The following ACSBG1 variants were observed in gnomAD, a reference collection of about 807,000 sequenced individuals.
The protein encoded by ACSBG1 is acyl-CoA synthetase bubblegum family member 1, also known as long-chain-fatty-acid--CoA ligase ACSBG1.
In ACSBG1, 39 loss-of-function variants were observed where a neutral mutation model predicts 80.2. The observed-to-expected ratio is 0.49, with a 90% confidence interval of 0.38 to 0.64. The LOEUF (loss-of-function observed/expected upper bound fraction) is 0.64. ACSBG1 is among the 30% of genes least tolerant of loss of function. The pLI, the probability that ACSBG1 is intolerant of heterozygous loss-of-function variation, is 0.00. For missense variants in ACSBG1, 828 were observed against 966.4 expected (o/e 0.86, Z 1.90); for synonymous variants, 392 against 379.5 (o/e 1.03, Z -0.38).
intron 2 of ACSBG1, among the ~76,000 whole-genome samples, 166 bp from the exon 3 acceptor site, chr15:78,194,892 C>T (rs766527999): frequency 3.3e-5 from 5 of 152,166 alleles, no homozygotes; most frequent in African/African-American, 7.2e-5. Flanking sequence ...GCTGGGAGAC[C>T]GCCTAGAGGA....
chr15:78,213,121 T>C (rs2075281281), intron 1 of ACSBG1, among the ~76,000 whole-genome samples: 1 of 151,952 alleles, frequency 6.6e-6, no homozygotes, highest in African/African-American at 2.4e-5. Context: ...GTTCCCCATA[T>C]CCTAAAAACC....
intron 5 of ACSBG1, among the ~76,000 whole-genome samples, chr15:78,189,077 C>T (rs1441628957): frequency 6.6e-6 from 1 of 151,938 alleles, no homozygotes; most frequent in Non-Finnish European, 1.5e-5. Flanking sequence ...AAAATGCTCA[C>T]CATCACTGGC....
intron 13 of ACSBG1, chr15:78,171,759 G>A (rs562523174): frequency 1.2e-4 from 53 of 425,194 alleles, no homozygotes; most frequent in African/African-American, 9.6e-4. Context: ...TAGATGAAGG[G>A]TTGGTATGTC....
At chr15:78,179,060 A>G in intron 10 of ACSBG1, 1 of 569,706 alleles carries the variant, frequency 1.8e-6, no homozygotes, top group Non-Finnish European at 3.1e-6. Context: ...TAGAACTTGG[A>G]GCACTGTGAT....
In ACSBG1 at chr15:78,178,894, G is replaced by T; in HGVS notation, c.1485-63C>A. On this transcript the variant is annotated intron_variant, in intron 10 of 13. Coordinates refer to ENST00000258873, the MANE Select transcript of ACSBG1 (RefSeq NM_015162.5). This position sits in a 1 kb window ranked among gnomAD's most constrained non-coding sequence, Gnocchi z 4.3. ...CCGTCTCCTCCAAGCCCCCACTGGG[G>T]AGCCGGGGTCCCAACTGCTCGGTCT... 1 of 1,508,212 alleles carries T rather than the reference G, an allele frequency of 6.6e-7. No homozygotes were observed. The highest frequency in any genetic ancestry group is 2.4e-5 in the East Asian group (1 of 41,132). The allele number at this position is 1,508,212 out of a possible 1,614,324, so 93.4% of individuals were successfully genotyped here.
Position 78,182,549 on chromosome 15 carries a change from G to C in ACSBG1, c.811C>G (p.Gln271Glu), listed in dbSNP as rs751306282. Residue 271 changes from glutamine (Q) to glutamate (E), a missense_variant, in exon 7 of 14, where the codon CAG becomes GAG. Gln to Glu is a conservative substitution (Grantham distance 29). Around this residue, in one of 3 missense-constraint regions of ACSBG1, gnomAD observed 356 missense variants for 363.5 expected, o/e 0.98. Coordinates refer to ENST00000258873, the MANE Select transcript of ACSBG1 (RefSeq NM_015162.5). ...AGCACACAGCACTGGTTGGGCTGCTGGGTGTCAATGATGGCGTCCAGGGCT... is the reference window on the plus strand; with the variant it reads ...AGCACACAGCACTGGTTGGGCTGCTCGGTGTCAATGATGGCGTCCAGGGCT... ...EEALDAIIDT[Q>E]QPNQCCVLVY... 1.2e-6 allele frequency: 2 copies of C among 1,614,124 alleles called. No individual in the cohort carries two copies. The highest frequency in any genetic ancestry group is 1.7e-6 in the Non-Finnish European group (2 of 1,180,006).
chr15:78,178,738 G>T lies in ACSBG1; in HGVS notation c.1578C>A (p.Phe526Leu). The change falls in exon 11 of 14, where the codon TTC becomes TTA. Residue 526 changes from phenylalanine to leucine, a missense_variant. Phe to Leu is a conservative substitution (Grantham distance 22). This residue lies in a region of ACSBG1 where 271 missense variants were observed against 375.9 expected (regional missense o/e 0.72). Coordinates refer to ENST00000258873, the MANE Select transcript of ACSBG1 (RefSeq NM_015162.5). This position sits in a 1 kb window ranked among gnomAD's most constrained non-coding sequence, Gnocchi z 4.3. ...GEICLWGRTI[F>L]MGYLNMEDKT... ...TGTCCTCCATGTTCAGGTAGCCCAT[G>T]AATATGGTGCGGCCCCACAGGCAGA... 1.2e-6 allele frequency: 2 copies of T among 1,614,174 alleles called. No homozygotes were observed. Among genetic ancestry groups the T allele is most frequent in the African/African-American group, 1.3e-5 (1 of 75,066 alleles).
In ACSBG1 at chr15:78,169,253, A is replaced by G; in HGVS notation, c.*2191T>C. The G allele has an allele frequency of 3.2e-6, 1 of 311,832 alleles. No homozygotes were observed. Among genetic ancestry groups the G allele is most frequent in the Non-Finnish European group, 5.9e-6 (1 of 170,660 alleles). The allele number at this position is 311,832 out of a possible 1,614,324, so 19.3% of individuals were successfully genotyped here. On this transcript the variant is annotated 3_prime_UTR_variant, in exon 14 of 14. Transcript: ENST00000258873. ...TACCTGGTAAATGTTTTTTTTGTAA[A>G]CTCTGAGTGGACTGTATCATTTGCT...
chr15:78,218,072 T>C (rs1183991468), intron 1 of ACSBG1, among the ~76,000 whole-genome samples: 1 of 152,178 alleles, frequency 6.6e-6, no homozygotes, highest in Non-Finnish European at 1.5e-5. Flanking sequence ...TTGCCATTTT[T>C]ATCCTAAGTA....
In ACSBG1 at chr15:78,171,515, G is replaced by A. The variant is rs753588373; in HGVS notation, c.2104C>T (p.Leu702=). 13 of 1,613,996 alleles carry A rather than the reference G, an allele frequency of 8.1e-6. No individual in the cohort carries two copies. The South Asian group carries it at 1.3e-4, about 16-fold the overall frequency. The change falls in exon 14 of 14, where the codon CTG becomes TTG. Residue 702 remains leucine, a synonymous_variant. Transcript: ENST00000258873. ...TTCTCCAAAACTGTGAGCCGTTTCA[G>A]TTTCATCGTGGGACCTAAAAGGGAA... ...SGGELGPTMK[L]KRLTVLEKYK...
intron 2 of ACSBG1, among the ~76,000 whole-genome samples, chr15:78,199,430 C>G (rs890201574): frequency 2.0e-5 from 3 of 151,536 alleles, no homozygotes; most frequent in Non-Finnish European, 2.9e-5. Flanking sequence ...TGCAGTGGCT[C>G]ACGCTTGTAA....
At chr15:78,210,398 C>T (rs897327069) in intron 1 of ACSBG1, among the ~76,000 whole-genome samples, 3 of 152,122 alleles carry the variant, frequency 2.0e-5, no homozygotes, top group African/African-American at 7.2e-5. Context: ...GAGAGGTGGT[C>T]CCTTTGAAGA....
Position 78,181,986 on chromosome 15 carries a change from C to T in ACSBG1, c.1054G>A (p.Glu352Lys), listed in dbSNP as rs761047347. 8.7e-5 allele frequency: 140 copies of T among 1,613,858 alleles called. No homozygotes were observed. Among genetic ancestry groups the T allele is most frequent in the Middle Eastern group, 1.6e-4 (1 of 6,080 alleles). Residue 352 changes from glutamate to lysine, a missense_variant, in exon 8 of 14, where the codon GAA becomes AAA. By Grantham distance (56) the Glu-to-Lys change is moderately conservative. Transcript: ENST00000258873. Reference protein sequence around the residue: ...IQWGAQVCFAEPDALKGSLVN... With the variant: ...IQWGAQVCFAKPDALKGSLVN... ...AGACTGACCTTCAGGGCGTCGGGTT[C>T]GGCAAAGCAAACCTGGGCCCCCCAC... is the stretch of plus-strand genomic sequence containing the variant.
At chr15:78,230,971 T>G (rs938226590) in intron 1 of ACSBG1, among the ~76,000 whole-genome samples, 4 of 152,172 alleles carry the variant, frequency 2.6e-5, no homozygotes, top group Non-Finnish European at 2.9e-5. Context: ...TCTGCCTTAT[T>G]TATCTAGTTT....
chr15:78,215,275 C>T (rs796608049), intron 1 of ACSBG1, among the ~76,000 whole-genome samples: 81 of 152,278 alleles, frequency 5.3e-4, no homozygotes, highest in African/African-American at 1.9e-3. Flanking sequence ...TGATACTTGA[C>T]GTTGGTAGAG....
At chr15:78,190,655 A>G (rs951335803) in intron 5 of ACSBG1, among the ~76,000 whole-genome samples, 3 of 152,066 alleles carry the variant, frequency 2.0e-5, no homozygotes, top group African/African-American at 7.2e-5. Flanking sequence ...TATAACCTCT[A>G]TAGAAGTAAA....
rs77787593 is a variant in ACSBG1 at position 78,171,568 on chromosome 15, T to C, written c.2090-39A>G. 21 of 1,495,642 alleles carry C rather than the reference T, an allele frequency of 1.4e-5. No homozygotes were observed. The East Asian group carries it at 4.5e-4, about 32-fold the overall frequency. The allele number at this position is 1,495,642 out of a possible 1,614,324, so 92.6% of individuals were successfully genotyped here. A position where few individuals can be genotyped will look rare whatever the true frequency, so the allele number is the denominator to read the frequency against. On this transcript the variant is annotated intron_variant, in intron 13 of 13. Transcript: ENST00000258873. ...GAGAAGAAATGAGTGAGGCCCAGGC[T>C]CTGAGAACTCTGAGAATGTGTGTGG...
At chr15:78,191,370 G>C (rs2075055600) in intron 5 of ACSBG1, among the ~76,000 whole-genome samples, 1 of 152,148 alleles carries the variant, frequency 6.6e-6, no homozygotes, top group Non-Finnish European at 1.5e-5. Context: ...AAAATCAATA[G>C]AGATACAGAA....
At chr15:78,206,294 G>A (rs1017745478) in intron 2 of ACSBG1, among the ~76,000 whole-genome samples, 3 of 152,224 alleles carry the variant, frequency 2.0e-5, no homozygotes, top group African/African-American at 7.2e-5. Context: ...GGGAGCTTGA[G>A]GTTCTGAGGA....
Sources: gnomAD v4.1 joint callset for allele counts (sites outside exome capture counted in the v4.1 genomes callset) on GRCh38, gnomAD v4.1.1 for gene constraint, gnomAD v4.1.1 regional missense constraint, Gnocchi (gnomAD v3.1) non-coding constraint, MANE v1.5 for transcripts, NCBI Gene and HGNC (gene_info 2026-07-23, HGNC 2026-07-21) for gene names.